The following ERBB4 variants were observed in gnomAD, a reference collection of about 807,000 sequenced individuals.
ERBB4 encodes erb-b2 receptor tyrosine kinase 4, also known as receptor tyrosine-protein kinase erbB-4.
In ERBB4, 42 loss-of-function variants were observed where a neutral mutation model predicts 158.0. That is an observed-to-expected ratio of 0.27 (90% CI 0.21 to 0.34). ERBB4 has a LOEUF of 0.34. ERBB4 is among the 10% of genes least tolerant of loss of function. The pLI, the probability that ERBB4 is intolerant of heterozygous loss-of-function variation, is 1.00. For missense variants in ERBB4, 1,333 were observed against 1,624.1 expected, an observed-to-expected ratio of 0.82 and a Z score of 3.08; for synonymous variants, 583 against 558.7, an observed-to-expected ratio of 1.04 and a Z score of -0.61.
Position 212,379,801 on chromosome 2 carries a change from C to CTG in ERBB4, c.82+158646_82+158647dup, listed in dbSNP as rs758171286. On this transcript the variant is annotated intron_variant, in intron 1 of 27. Transcript: ENST00000342788. Reference sequence around the variant, plus strand: ...TATATTTTTCTTTTCTCTCTCTCCTCTGTGTGTGTGTGTGTGTATGTGTGT... The same window carrying CTG: ...TATATTTTTCTTTTCTCTCTCTCCTCTGTGTGTGTGTGTGTGTGTATGTGTGT... 1.1e-3 allele frequency among the ~76,000 whole-genome samples: 167 copies of CTG among 149,364 alleles called. 1 individual carries two copies. The East Asian group carries it at 0.022, about 20-fold the overall frequency.
chr2:211,761,190 CAAAAAA>C (rs58277006), intron 4 of ERBB4, among the ~76,000 whole-genome samples: 1 of 89,944 alleles, frequency 1.1e-5, no homozygotes. Context: ...TGAGATTCCT[CAAAAAA>C]AAAAAAAAAA....
intron 3 of ERBB4, among the ~76,000 whole-genome samples, chr2:211,843,884 TTAA>T (rs1190752725): frequency 6.6e-6 from 1 of 152,122 alleles, no homozygotes; most frequent in South Asian, 2.1e-4. Context: ...CGTGACTTTC[TTAA>T]TAATATTTAC....
At chr2:212,500,268 C>T (rs529311605) in intron 1 of ERBB4, among the ~76,000 whole-genome samples, 1 of 152,112 alleles carries the variant, frequency 6.6e-6, no homozygotes, top group East Asian at 1.9e-4. Context: ...CACAGTTGAG[C>T]TCTCCTTCCT....
intron 2 of ERBB4, among the ~76,000 whole-genome samples, chr2:212,003,392 T>C (rs1163344352): frequency 4.0e-5 from 6 of 148,732 alleles, no homozygotes; most frequent in African/African-American, 1.5e-4. Flanking sequence ...TTTTTTCGTA[T>C]AACTCAATAT....
intron 1 of ERBB4, among the ~76,000 whole-genome samples, chr2:212,191,312 C>T (rs572887389): frequency 6.6e-6 from 1 of 152,012 alleles, no homozygotes; most frequent in African/African-American, 2.4e-5. Flanking sequence ...ACTTTGAGAA[C>T]CACCGATTTA....
At chr2:212,341,846 T>C (rs374178954) in intron 1 of ERBB4, among the ~76,000 whole-genome samples, 1 of 152,196 alleles carries the variant, frequency 6.6e-6, no homozygotes, top group African/African-American at 2.4e-5. Flanking sequence ...CCAGTAGGTA[T>C]AGATAATCTA....
At chr2:211,846,349 G>A (rs1427851945) in intron 3 of ERBB4, among the ~76,000 whole-genome samples, 1 of 152,040 alleles carries the variant, frequency 6.6e-6, no homozygotes, top group Non-Finnish European at 1.5e-5. Flanking sequence ...TGCTTAAAAT[G>A]CAATTACATT....
At chr2:212,508,541 A>G (rs761272205) in intron 1 of ERBB4, among the ~76,000 whole-genome samples, 17 of 152,184 alleles carry the variant, frequency 1.1e-4, no homozygotes, top group Non-Finnish European at 1.9e-4. Context: ...ATTTAAAGGC[A>G]TAAGTTTCTC....
intron 3 of ERBB4, among the ~76,000 whole-genome samples, chr2:211,793,017 G>A (rs1242152053): frequency 1.3e-5 from 2 of 151,776 alleles, no homozygotes; most frequent in African/African-American, 2.4e-5. Context: ...TGTATGAAAT[G>A]ACCTAATTGT....
chr2:212,100,599 G>T (rs1263347089), intron 2 of ERBB4, among the ~76,000 whole-genome samples: 1 of 152,194 alleles, frequency 6.6e-6, no homozygotes, highest in Non-Finnish European at 1.5e-5. Flanking sequence ...CAGTGCTAAG[G>T]TACAGGATAC....
At chr2:211,506,451 A>G (rs2065752524) in intron 20 of ERBB4, among the ~76,000 whole-genome samples, 1 of 145,870 alleles carries the variant, frequency 6.9e-6, no homozygotes, top group Non-Finnish European at 1.5e-5. Context: ...ACAACCACAG[A>G]GTATCCTTTT....
chr2:211,579,420 C>T (rs1005787829), intron 19 of ERBB4, among the ~76,000 whole-genome samples: 23 of 152,030 alleles, frequency 1.5e-4, no homozygotes, highest in African/African-American at 5.6e-4. Flanking sequence ...ACCAGAAATA[C>T]CATTTGAGCC....
In ERBB4 at chr2:211,673,517, C is replaced by CAAAAAAAAAAAAA. The variant is rs71054125; in HGVS notation, c.1623-273_1623-261dup. Among the ~76,000 whole-genome samples the CAAAAAAAAAAAAA allele has an allele frequency of 1.0e-3, 56 of 54,048 alleles. 6 individuals carry two copies. The highest frequency in any genetic ancestry group is 2.7e-3 in the African/African-American group (38 of 13,904). 35.5% of individuals were successfully genotyped at this position (54,048 alleles called of 152,430 possible). On this transcript the variant is annotated intron_variant, in intron 13 of 27. Transcript: ENST00000342788. ...CCTGCAAGACATATTCCAGCAATCT[C>CAAAAAAAAAAAAA]AAAAAAAAAAAAAGCTACAAAGTAT...
At chr2:211,804,285 AG>A (rs2105897855) in intron 3 of ERBB4, among the ~76,000 whole-genome samples, 1 of 152,342 alleles carries the variant, frequency 6.6e-6, no homozygotes, top group Admixed American at 6.5e-5. Context: ...ATGTACAAAA[AG>A]GTTGCAGTCA....
intron 20 of ERBB4, among the ~76,000 whole-genome samples, chr2:211,457,463 C>G (rs1559187122): frequency 6.6e-6 from 1 of 152,118 alleles, no homozygotes; most frequent in Non-Finnish European, 1.5e-5. Context: ...TTCCAAGACT[C>G]TCATTGAGGA....
intron 1 of ERBB4, among the ~76,000 whole-genome samples, chr2:212,307,493 G>A (rs2086853444): frequency 6.6e-6 from 1 of 150,836 alleles, no homozygotes; most frequent in Admixed American, 6.6e-5. Flanking sequence ...CTACCACTTT[G>A]CCCTTTTTTA....
chr2:211,909,988 C>T (rs1216095107), intron 3 of ERBB4, among the ~76,000 whole-genome samples: 2 of 151,568 alleles, frequency 1.3e-5, no homozygotes, highest in African/African-American at 2.4e-5. Flanking sequence ...GGCGTGATCT[C>T]GGCTCACTGC....
chr2:212,286,632 T>C (rs1473653740), intron 1 of ERBB4, among the ~76,000 whole-genome samples: 1 of 140,786 alleles, frequency 7.1e-6, no homozygotes, highest in Non-Finnish European at 1.5e-5. Context: ...ACACAGAGTC[T>C]CGCTTTGTTA....
In ERBB4 at chr2:212,097,812, T is replaced by A. The variant is rs550189844; in HGVS notation, c.234+26940A>T. Among the ~76,000 whole-genome samples the A allele has an allele frequency of 2.0e-5, 3 of 152,228 alleles. No individual in the cohort carries two copies. In the East Asian group the frequency reaches 5.8e-4, roughly 29 times the overall value. On this transcript the variant is annotated intron_variant, in intron 2 of 27. Transcript: ENST00000342788. The stretch of plus-strand genomic sequence containing the variant: ...TGTCCACTGGGTTTAATACAGAATA[T>A]CATTAGTAACCTTGTTAAGAGCCAT...
Sources: allele counts gnomAD v4.1 joint callset (sites outside exome capture counted in the v4.1 genomes callset), GRCh38; gene constraint gnomAD v4.1.1; transcripts MANE v1.5; gene names NCBI Gene and HGNC (gene_info 2026-07-23, HGNC 2026-07-21).